DIS3L2: variants seen among roughly 807,000 people sequenced by gnomAD.
The protein encoded by DIS3L2 is DIS3-like exonuclease 2.
Under a neutral mutation model 97.5 loss-of-function variants are expected in DIS3L2, and 34 were observed. That is an observed-to-expected ratio of 0.35 (90% confidence interval 0.27 to 0.46). DIS3L2 has a LOEUF of 0.46. Ranked by LOEUF, DIS3L2 falls within the 20% of genes least tolerant of loss-of-function variation. DIS3L2 has a pLI of 1.00. For synonymous variants in DIS3L2, 435 were observed against 445.2 expected (o/e 0.98, Z 0.29); for missense variants, 1,038 against 1,146.0 (o/e 0.91, Z 1.36).
At chr2:232,077,254 T>G (rs1055010208) in intron 5 of DIS3L2, among the ~76,000 whole-genome samples, 1 of 150,830 alleles carries the variant, frequency 6.6e-6, no homozygotes, top group Non-Finnish European at 1.5e-5. Context: ...CCTTACTTTT[T>G]CCTTTCAGCA....
At chr2:232,073,939 C>T (rs1446652007) in intron 5 of DIS3L2, among the ~76,000 whole-genome samples, 1 of 152,162 alleles carries the variant, frequency 6.6e-6, no homozygotes, top group Non-Finnish European at 1.5e-5. Flanking sequence ...TGCTACTTCA[C>T]AACTCTGGAA....
At chr2:232,186,718 A>G (rs1427780222) in intron 9 of DIS3L2, among the ~76,000 whole-genome samples, 1 of 152,250 alleles carries the variant, frequency 6.6e-6, no homozygotes, top group African/African-American at 2.4e-5. Flanking sequence ...TGTCTAAAAA[A>G]AAGTGTTCTA....
intron 13 of DIS3L2, among the ~76,000 whole-genome samples, chr2:232,271,714 G>A (rs1025790230): frequency 1.4e-4 from 22 of 152,130 alleles, no homozygotes; most frequent in African/African-American, 4.3e-4. Flanking sequence ...AGGCTATCTA[G>A]GACAGCCTCC....
At chr2:232,182,577 TTG>T (rs1249752643) in intron 9 of DIS3L2, among the ~76,000 whole-genome samples, 1 of 152,240 alleles carries the variant, frequency 6.6e-6, no homozygotes, top group Non-Finnish European at 1.5e-5. Context: ...ATTTTTTGCT[TTG>T]TGTATTTTGT....
chr2:232,070,861 C>T (rs931858418), intron 5 of DIS3L2, among the ~76,000 whole-genome samples: 2 of 152,122 alleles, frequency 1.3e-5, no homozygotes, highest in African/African-American at 4.8e-5. Context: ...GAATTACAGG[C>T]GTGAGCCACT....
chr2:232,061,551 G>T (rs1472909352), intron 5 of DIS3L2, among the ~76,000 whole-genome samples: 1 of 152,144 alleles, frequency 6.6e-6, no homozygotes, highest in East Asian at 1.9e-4. Flanking sequence ...TTGTGGCCAG[G>T]TTTTTTTCTT....
intron 1 of DIS3L2, among the ~76,000 whole-genome samples, chr2:231,998,797 G>A (rs978328728): frequency 2.0e-5 from 3 of 152,142 alleles, no homozygotes; most frequent in African/African-American, 7.2e-5. Flanking sequence ...TTGCGATACT[G>A]CTGTAAGGAA....
intron 8 of DIS3L2, among the ~76,000 whole-genome samples, chr2:232,140,636 A>G (rs1239662312): frequency 6.6e-6 from 1 of 152,246 alleles, no homozygotes; most frequent in Non-Finnish European, 1.5e-5. Context: ...GAATGCACAC[A>G]TTAATAGAAT....
chr2:231,970,436 G>T (rs1692871179), intron 1 of DIS3L2, among the ~76,000 whole-genome samples: 1 of 152,184 alleles, frequency 6.6e-6, no homozygotes, highest in Admixed American at 6.5e-5. Flanking sequence ...GGTAAAGCCT[G>T]TGGCGCTTAG....
Position 232,238,594 on chromosome 2 carries a change from T to C in DIS3L2, c.1266T>C (p.Asp422=). 1 of 1,614,216 alleles carries C rather than the reference T, an allele frequency of 6.2e-7. No homozygotes were observed. The highest frequency in any genetic ancestry group is 1.1e-5 in the South Asian group (1 of 91,080). ...DVSYFVPEGS[D]LDKVAAERAT... ...GTTACTTTGTTCCGGAGGGATCTGA[T>C]CTGGATAAAGTGGCTGCCGAGAGGG... The change falls in exon 11 of 21, where the codon GAT becomes GAC. Residue 422 remains aspartate (D), a synonymous_variant. Transcript: ENST00000325385.
At chr2:232,046,694 T>C (rs1320927765) in intron 5 of DIS3L2, among the ~76,000 whole-genome samples, 3 of 152,212 alleles carry the variant, frequency 2.0e-5, no homozygotes, top group Non-Finnish European at 2.9e-5. Context: ...GTTCTTGTAG[T>C]TGGAAAAAAC....
chr2:232,298,962 G>A (rs1239322706), intron 13 of DIS3L2, among the ~76,000 whole-genome samples: 1 of 152,202 alleles, frequency 6.6e-6, no homozygotes, highest in East Asian at 1.9e-4. Flanking sequence ...ACTGAAGAAA[G>A]CTAATGAGTG....
chr2:232,122,107 C>G (rs1697924432), intron 6 of DIS3L2, among the ~76,000 whole-genome samples: 1 of 152,200 alleles, frequency 6.6e-6, no homozygotes, highest in Non-Finnish European at 1.5e-5. Flanking sequence ...ATAATCCAAA[C>G]TCTGTAATGT....
chr2:232,273,193 A>G (rs1434203609), intron 13 of DIS3L2, among the ~76,000 whole-genome samples: 3 of 151,948 alleles, frequency 2.0e-5, no homozygotes, highest in Admixed American at 2.0e-4. Flanking sequence ...TTTCCCTGAT[A>G]CTTTATTTAT....
chr2:232,210,483 T>G (rs983702293), intron 10 of DIS3L2, 78 bp downstream of exon 10: 1 of 1,340,914 alleles, frequency 7.5e-7, no homozygotes, highest in Middle Eastern at 1.8e-4. Context: ...TGCCCTGTGC[T>G]GCCTAGGCAG....
At position 232,333,935 on chromosome 2, in the gene DIS3L2, C is replaced by T. The variant is rs1575027317; in HGVS notation, c.2106C>T (p.Pro702=). The change falls in exon 17 of 21, where the codon CCC becomes CCT. Residue 702 remains proline, a synonymous_variant. Transcript: ENST00000325385. ...NVPLYTHFTS[P]IRRFADVLVH... ...CCCTGTACACACACTTCACCTCGCC[C>T]ATCCGCCGCTTTGCCGACGTCCTGG... 9.3e-6 allele frequency: 15 copies of T among 1,612,932 alleles called. No individual in the cohort carries two copies. Among genetic ancestry groups the T allele is most frequent in the Non-Finnish European group, 1.2e-5 (14 of 1,179,934 alleles).
At chr2:232,058,751 T>C (rs1413615425) in intron 5 of DIS3L2, among the ~76,000 whole-genome samples, 2 of 152,156 alleles carry the variant, frequency 1.3e-5, no homozygotes, top group African/African-American at 2.4e-5. Context: ...TATGTGTGAG[T>C]GGGTGTAAAT....
intron 11 of DIS3L2, among the ~76,000 whole-genome samples, chr2:232,244,441 G>C (rs1017202604): frequency 6.6e-6 from 1 of 152,216 alleles, no homozygotes; most frequent in Non-Finnish European, 1.5e-5. Flanking sequence ...AGTGGAACAG[G>C]TAAAGAAGGG....
At chr2:232,220,693 C>T (rs1022557249) in intron 10 of DIS3L2, among the ~76,000 whole-genome samples, 9 of 151,874 alleles carry the variant, frequency 5.9e-5, no homozygotes, top group African/African-American at 9.7e-5. Flanking sequence ...GGTGACAAAG[C>T]GAGACTCCAT....
Sources: gnomAD v4.1 joint callset for allele counts (sites outside exome capture counted in the v4.1 genomes callset) on GRCh38, gnomAD v4.1.1 for gene constraint, MANE v1.5 for transcripts, NCBI Gene and HGNC (gene_info 2026-07-23, HGNC 2026-07-21) for gene names.